The following GPR55 variants were observed in gnomAD, a reference collection of about 807,000 sequenced individuals.
GPR55 encodes the protein G protein-coupled receptor 55.
GPR55 carries 6 observed loss-of-function variants against 7.9 expected under a neutral mutation model. The observed-to-expected ratio is 0.76, with a 90% CI of 0.41 to 1.49. The LOEUF (loss-of-function observed/expected upper bound fraction) is 1.49. Among genes scored for constraint, GPR55 ranks in the 40% most tolerant of loss-of-function variants. The probability of loss-of-function intolerance (pLI) is 0.01; values close to 1 mark genes in which losing one functional copy is unlikely to be tolerated. For missense variants in GPR55, 376 were observed against 406.0 expected (o/e 0.93, Z 0.63); for synonymous variants, 183 against 166.8 (o/e 1.10, Z -0.75).
chr2:230,958,245 T>TA (rs1691521248), intron 1 of GPR55, among the ~76,000 whole-genome samples: 1 of 152,226 alleles, frequency 6.6e-6, no homozygotes, highest in Admixed American at 6.5e-5. Context: ...AACCTAACTT[T>TA]AAAAAATTTT....
intron 1 of GPR55, among the ~76,000 whole-genome samples, chr2:230,957,175 A>G (rs917882242): frequency 3.9e-5 from 6 of 152,178 alleles, no homozygotes; most frequent in African/African-American, 1.4e-4. Flanking sequence ...TATTCTGACC[A>G]TAGATTTTTG....
intron 1 of GPR55, among the ~76,000 whole-genome samples, chr2:230,913,896 A>G (rs896828538): frequency 6.6e-6 from 1 of 152,234 alleles, no homozygotes; most frequent in Non-Finnish European, 1.5e-5. Context: ...AACCACAAAG[A>G]TAAGAATGAA....
intron 1 of GPR55, among the ~76,000 whole-genome samples, chr2:230,945,753 T>A (rs779745629): frequency 6.6e-6 from 1 of 152,156 alleles, no homozygotes; most frequent in Non-Finnish European, 1.5e-5. Flanking sequence ...TTTGTATTTT[T>A]TGTAGAGACG....
At position 230,911,045 on chromosome 2, in the gene GPR55, T is replaced by C; in HGVS notation, c.-83A>G. On this transcript the variant is annotated 5_prime_UTR_variant, in exon 2 of 2. It removes the in-frame stop codon of an upstream open reading frame in the 5' UTR. Transcript: ENST00000650999. ...TGGATTCAAATGACTTTGTCAAGAA[T>C]CACAAACACCTCCCCAGCATCACAC... is the stretch of plus-strand genomic sequence containing the variant. 3 of 1,376,604 alleles carry C rather than the reference T, an allele frequency of 2.2e-6. No individual in the cohort carries two copies. The highest frequency in any genetic ancestry group is 2.0e-6 in the Non-Finnish European group (2 of 1,002,786). 85.3% of individuals were successfully genotyped at this position (1,376,604 alleles called of 1,614,324 possible).
chr2:230,916,470 G>A lies in GPR55; in HGVS notation c.-134-5374C>T, dbSNP rs1574620460. On this transcript the variant is annotated intron_variant, in intron 1 of 1. Transcript: ENST00000650999. Reference sequence around the variant, plus strand: ...GCCCAGGAGTTTGAGGCTGCAGTGAGCCATGATCGTGCCACTGCACTCCAG... The same window carrying A: ...GCCCAGGAGTTTGAGGCTGCAGTGAACCATGATCGTGCCACTGCACTCCAG... 2.0e-5 allele frequency among the ~76,000 whole-genome samples: 3 copies of A among 151,986 alleles called. No homozygotes were observed. The South Asian group carries it at 6.2e-4, about 32-fold the overall frequency.
At chr2:230,940,669 T>C (rs1261163701) in intron 1 of GPR55, among the ~76,000 whole-genome samples, 1 of 152,176 alleles carries the variant, frequency 6.6e-6, no homozygotes, top group African/African-American at 2.4e-5. Context: ...TGGGGGCCCA[T>C]GCTGCTGCTG....
chr2:230,926,682 CTTTTT>C (rs56318183), upstream of GPR55, among the ~76,000 whole-genome samples: 3 of 100,942 alleles, frequency 3.0e-5, no homozygotes, highest in Non-Finnish European at 5.6e-5. Context: ...TGGCTACCTT[CTTTTT>C]TTTTTTTTTT....
chr2:230,914,551 A>AT (rs1468854466), intron 1 of GPR55, among the ~76,000 whole-genome samples: 2 of 128,834 alleles, frequency 1.6e-5, no homozygotes, highest in Non-Finnish European at 3.0e-5. Context: ...CTGTAGTAAG[A>AT]TAAAAAAAAG....
chr2:230,918,372 A>C (rs542175526), intron 1 of GPR55, among the ~76,000 whole-genome samples: 6 of 152,290 alleles, frequency 3.9e-5, no homozygotes, highest in African/African-American at 1.4e-4. Context: ...GGGGGCAAAA[A>C]ATAATTTACC....
rs1690918114 is a variant in GPR55 at position 230,924,977 on chromosome 2, T to C, written c.-135+191A>G. 6.6e-6 allele frequency among the ~76,000 whole-genome samples: 1 copy of C among 152,190 alleles called. No homozygotes were observed. Among genetic ancestry groups the C allele is most frequent in the African/African-American group, 2.4e-5 (1 of 41,450 alleles). On this transcript the variant is annotated intron_variant, in intron 1 of 1. Transcript: ENST00000650999. The surrounding 1 kb of genome is among the most constrained non-coding windows in gnomAD (Gnocchi z 4.5). The stretch of plus-strand genomic sequence containing the variant: ...CCAGGTCTGCCTGCCGCTGCTGCTG[T>C]CACGGAGGCTGCCTGGAGGCTGCCG...
chr2:230,959,850 T>C (rs904388418), intron 1 of GPR55, among the ~76,000 whole-genome samples: 8 of 152,262 alleles, frequency 5.3e-5, no homozygotes, highest in African/African-American at 1.9e-4. Context: ...TACACTTACC[T>C]GTATTTCCCA....
intron 1 of GPR55, among the ~76,000 whole-genome samples, chr2:230,912,478 G>A (rs1035284214): frequency 6.6e-6 from 1 of 152,068 alleles, no homozygotes; most frequent in African/African-American, 2.4e-5. Context: ...CACCCAGGCT[G>A]GAGTGCAGTG....
At chr2:230,955,008 A>G (rs13390316) in intron 1 of GPR55, among the ~76,000 whole-genome samples, 10,269 of 152,246 alleles carry the variant, frequency 0.067, 777 homozygotes, top group East Asian at 0.4. Flanking sequence ...AGAAACTAAC[A>G]TGTCATCCCT....
chr2:230,929,431 G>C (rs540593678), upstream of GPR55, among the ~76,000 whole-genome samples: 1 of 152,286 alleles, frequency 6.6e-6, no homozygotes, highest in Admixed American at 6.5e-5. Context: ...AGTAAAACAC[G>C]CAAGGGGGCA....
rs757972981 is a variant in GPR55 at position 230,910,512 on chromosome 2, T to C, written c.451A>G (p.Thr151Ala). The change falls in exon 2 of 2, where the codon ACC becomes GCC. Residue 151 changes from threonine (T) to alanine (A), a missense_variant. Coordinates refer to ENST00000650999, the MANE Select transcript of GPR55 (RefSeq NM_005683.4). The surrounding 1 kb of genome is among the most constrained non-coding windows in gnomAD (Gnocchi z 5.4). ...AAACTGTAGATAGGGATGCTTCCGGTCCACACCAGGACCCAGATGGTGCAG... is the reference window on the plus strand; with the variant it reads ...AAACTGTAGATAGGGATGCTTCCGGCCCACACCAGGACCCAGATGGTGCAG... Reference protein sequence around the residue: ...ICCTIWVLVWTGSIPIYSFHG... With the variant: ...ICCTIWVLVWAGSIPIYSFHG... 1 of 1,614,134 alleles carries C rather than the reference T, an allele frequency of 6.2e-7. No homozygotes were observed. The highest frequency in any genetic ancestry group is 8.5e-7 in the Non-Finnish European group (1 of 1,180,010).
At chr2:230,953,924 C>G (rs997490629) in intron 1 of GPR55, among the ~76,000 whole-genome samples, 3 of 152,226 alleles carry the variant, frequency 2.0e-5, no homozygotes, top group African/African-American at 7.2e-5. Context: ...CTCCTGGAAC[C>G]ACCTTCCTGG....
upstream of GPR55, among the ~76,000 whole-genome samples, chr2:230,928,803 A>G (rs1052560574): frequency 6.6e-6 from 1 of 152,186 alleles, no homozygotes; most frequent in African/African-American, 2.4e-5. Flanking sequence ...GAACTCAGGA[A>G]GAAGAGGCAA....
At chr2:230,915,031 G>T (rs539181247) in intron 1 of GPR55, among the ~76,000 whole-genome samples, 1 of 152,364 alleles carries the variant, frequency 6.6e-6, no homozygotes, top group Admixed American at 6.5e-5. Flanking sequence ...CAAGCCATGG[G>T]GCATCTCTGA....
intron 1 of GPR55, among the ~76,000 whole-genome samples, chr2:230,934,129 G>A (rs571063987): frequency 1.2e-3 from 176 of 152,202 alleles, no homozygotes; most frequent in African/African-American, 4.0e-3. Flanking sequence ...CACTGGCCTA[G>A]GTATATGGGC....
Sources: allele counts gnomAD v4.1 joint callset (sites outside exome capture counted in the v4.1 genomes callset), GRCh38; gene constraint gnomAD v4.1.1; non-coding constraint Gnocchi (gnomAD v3.1); transcripts MANE v1.5; gene names NCBI Gene and HGNC (gene_info 2026-07-23, HGNC 2026-07-21).